The following TAB2 variants were observed in gnomAD, a reference collection of about 807,000 sequenced individuals.
The protein encoded by TAB2 is TGF-beta-activated kinase 1 and MAP3K7-binding protein 2.
A neutral mutation model predicts 65.0 loss-of-function variants in TAB2; 3 were observed. The ratio of observed to expected loss-of-function variants is 0.05; its 90% CI spans 0.02 to 0.12. The LOEUF (loss-of-function observed/expected upper bound fraction) is 0.12, where lower values mean the gene tolerates loss of function less well. TAB2 is among the 10% of genes least tolerant of loss of function. The probability of loss-of-function intolerance (pLI) is 1.00; values close to 1 mark genes in which losing one functional copy is unlikely to be tolerated. For missense variants in TAB2, 623 were observed against 840.3 expected (o/e 0.74, Z 3.20); for synonymous variants, 298 against 285.1 (o/e 1.05, Z -0.46).
chr6:149,229,384 C>A (rs1583033791), intron 1 of TAB2, among the ~76,000 whole-genome samples: 1 of 140,502 alleles, frequency 7.1e-6, no homozygotes, highest in African/African-American at 2.8e-5. Flanking sequence ...CCCAGCAAAC[C>A]TTTAAAGACG....
intron 1 of TAB2, among the ~76,000 whole-genome samples, chr6:149,283,487 A>C (rs1431420034): frequency 6.6e-6 from 1 of 152,170 alleles, no homozygotes; most frequent in Non-Finnish European, 1.5e-5. Context: ...AGGTAGGTGG[A>C]TCACCTGAGG....
intron 1 of TAB2, among the ~76,000 whole-genome samples, chr6:149,328,947 G>T (rs1779700325): frequency 1.3e-5 from 2 of 152,140 alleles, no homozygotes; most frequent in African/African-American, 2.4e-5. Context: ...CTGCAGATAG[G>T]TCTTTTTAGA....
At chr6:149,331,330 C>G (rs1393528267) in intron 1 of TAB2, among the ~76,000 whole-genome samples, 2 of 151,976 alleles carry the variant, frequency 1.3e-5, no homozygotes, top group Non-Finnish European at 2.9e-5. Context: ...GTAAGTGATA[C>G]TGTGTTTTTA....
At chr6:149,270,071 A>G (rs1778331821) in intron 1 of TAB2, among the ~76,000 whole-genome samples, 1 of 152,258 alleles carries the variant, frequency 6.6e-6, no homozygotes, top group Non-Finnish European at 1.5e-5. Flanking sequence ...AATAGATGAG[A>G]GTTCCAATTG....
intron 1 of TAB2, among the ~76,000 whole-genome samples, chr6:149,242,758 C>T (rs62425952): frequency 0.18 from 26,850 of 152,074 alleles, 2,488 homozygotes; most frequent in East Asian, 0.32. Context: ...TAAGGATGGC[C>T]GCCCGTCTCT....
upstream of TAB2, among the ~76,000 whole-genome samples, chr6:149,313,740 C>T (rs529564146): frequency 6.6e-6 from 1 of 152,206 alleles, no homozygotes; most frequent in Non-Finnish European, 1.5e-5. Context: ...ATCTTTGACT[C>T]CCTGACACTT....
chr6:149,299,945 T>C (rs1778942565), intron 1 of TAB2, among the ~76,000 whole-genome samples: 1 of 152,094 alleles, frequency 6.6e-6, no homozygotes, highest in African/African-American at 2.4e-5. Flanking sequence ...GAATTTGAGG[T>C]TACAACGAGC....
chr6:149,316,078 CATT>C (rs1562411172), upstream of TAB2, among the ~76,000 whole-genome samples: 1 of 152,118 alleles, frequency 6.6e-6, no homozygotes, highest in East Asian at 1.9e-4. Context: ...ATTATTTTAT[CATT>C]GAGTATGGAA....
At chr6:149,247,607 A>G (rs73601898) in intron 1 of TAB2, 10,266 of 152,210 alleles carry the variant, frequency 0.067, 508 homozygotes, top group African/African-American at 0.13. Context: ...TCTTGATTGT[A>G]TCCTTTTTGC....
intron 1 of TAB2, among the ~76,000 whole-genome samples, chr6:149,358,567 T>A (rs1363277776): frequency 6.6e-6 from 1 of 151,884 alleles, no homozygotes; most frequent in Non-Finnish European, 1.5e-5. Flanking sequence ...ATAAAATATT[T>A]GTCTTTGGTA....
chr6:149,249,355 A>T (rs930369107), intron 1 of TAB2, among the ~76,000 whole-genome samples: 2 of 152,134 alleles, frequency 1.3e-5, no homozygotes, highest in African/African-American at 4.8e-5. Flanking sequence ...ACATCCCATC[A>T]GGACCTACAA....
At chr6:149,256,424 C>T (rs776460868) in intron 1 of TAB2, among the ~76,000 whole-genome samples, 4 of 152,172 alleles carry the variant, frequency 2.6e-5, no homozygotes, top group Non-Finnish European at 4.4e-5. Context: ...CTTTCATACA[C>T]ATCATTGCAT....
intron 1 of TAB2, among the ~76,000 whole-genome samples, chr6:149,312,616 G>A (rs979797541): frequency 3.9e-5 from 6 of 152,180 alleles, no homozygotes; most frequent in Non-Finnish European, 8.8e-5. Context: ...ACCTGCCTCA[G>A]CCTCCCAAAA....
At position 149,378,355 on chromosome 6, in the gene TAB2, G is replaced by A. The variant is rs1347736235; in HGVS notation, c.440G>A (p.Gly147Asp). The change falls in exon 3 of 7, where the codon GGT becomes GAT. Residue 147 changes from glycine (G) to aspartate (D), a missense_variant. By Grantham distance (94) the Gly-to-Asp change is moderately conservative (BLOSUM62 -1). Around this residue, in one of 3 missense-constraint regions of TAB2, gnomAD observed 550 missense variants for 665.7 expected, o/e 0.83. Coordinates refer to ENST00000637181, the MANE Select transcript of TAB2 (RefSeq NM_001292034.3). ...FNVFGMSSSS[G>D]ASNSAPHLGF... ...GTTTTTGGAATGTCCAGTTCCTCTGGTGCTTCAAATTCAGCACCACATCTT... is the reference window on the plus strand; with the variant it reads ...GTTTTTGGAATGTCCAGTTCCTCTGATGCTTCAAATTCAGCACCACATCTT... 3.7e-6 allele frequency: 6 copies of A among 1,614,082 alleles called. No individual in the cohort carries two copies. The highest frequency in any genetic ancestry group is 5.1e-6 in the Non-Finnish European group (6 of 1,180,058).
chr6:149,232,920 G>A (rs1316834417), intron 1 of TAB2, among the ~76,000 whole-genome samples: 1 of 152,098 alleles, frequency 6.6e-6, no homozygotes, highest in African/African-American at 2.4e-5. Context: ...GGATGCTGCT[G>A]TACTTCCCTC....
intron 1 of TAB2, among the ~76,000 whole-genome samples, chr6:149,249,762 C>T (rs147674891): frequency 3.8e-4 from 58 of 152,294 alleles, no homozygotes; most frequent in African/African-American, 1.3e-3. Flanking sequence ...TTTCTTCCCT[C>T]ATTTACTGAC....
chr6:149,220,677 G>A (rs1031805272), intron 1 of TAB2: 10 of 152,132 alleles, frequency 6.6e-5, no homozygotes, highest in African/African-American at 2.4e-4. Context: ...GAGTGCAGTG[G>A]CGCAATCTTG....
chr6:149,321,204 CTG>C (rs1415021599), intron 1 of TAB2: 2 of 152,106 alleles, frequency 1.3e-5, no homozygotes, highest in Non-Finnish European at 2.9e-5. Flanking sequence ...TTAAAACCCT[CTG>C]TATTAAAATG....
At chr6:149,268,934 T>C (rs1322391980) in intron 1 of TAB2, among the ~76,000 whole-genome samples, 9 of 152,048 alleles carry the variant, frequency 5.9e-5, no homozygotes, top group Non-Finnish European at 1.2e-4. Context: ...AGTGACCTAG[T>C]GGACTAAGCA....
Sources: gnomAD v4.1 joint callset for allele counts (sites outside exome capture counted in the v4.1 genomes callset) on GRCh38, gnomAD v4.1.1 for gene constraint, gnomAD v4.1.1 regional missense constraint, MANE v1.5 for transcripts, NCBI Gene and HGNC (gene_info 2026-07-23, HGNC 2026-07-21) for gene names.